The following HIVEP3 variants were observed in gnomAD, a reference collection of about 807,000 sequenced individuals.
HIVEP3 encodes HIVEP zinc finger 3, also known as transcription factor HIVEP3.
In HIVEP3, 49 loss-of-function variants were observed where a neutral mutation model predicts 152.8. The observed-to-expected ratio is 0.32, with a 90% confidence interval of 0.26 to 0.41. The LOEUF is 0.41. HIVEP3 is among the 10% of genes least tolerant of loss of function. HIVEP3 has a pLI of 1.00. For synonymous variants in HIVEP3, 1,269 were observed against 1,289.0 expected (o/e 0.98, Z 0.33); for missense variants, 2,790 against 3,103.3 (o/e 0.90, Z 2.40).
At chr1:41,686,573 A>G (rs1646119097) in intron 2 of HIVEP3, among the ~76,000 whole-genome samples, 1 of 152,204 alleles carries the variant, frequency 6.6e-6, no homozygotes, top group Non-Finnish European at 1.5e-5. Context: ...AAGCCTGGAC[A>G]TAGCTGGATT....
chr1:41,899,919 C>CCAAAT (rs996676757), intron 1 of HIVEP3, among the ~76,000 whole-genome samples: 20 of 152,162 alleles, frequency 1.3e-4, no homozygotes, highest in Non-Finnish European at 2.5e-4. Flanking sequence ...TGTCCCTGAA[C>CCAAAT]CAAAACATTC....
intron 3 of HIVEP3, among the ~76,000 whole-genome samples, chr1:41,619,794 C>T (rs1228639106): frequency 6.6e-6 from 1 of 152,164 alleles, no homozygotes; most frequent in Non-Finnish European, 1.5e-5. Context: ...GACACCTGGG[C>T]CTCAGTCCCC....
intron 1 of HIVEP3, among the ~76,000 whole-genome samples, chr1:41,868,820 G>A (rs939677037): frequency 1.1e-4 from 16 of 152,124 alleles, no homozygotes; most frequent in African/African-American, 3.9e-4. Flanking sequence ...TCTGTTAATT[G>A]GGGATACTAA....
chr1:41,848,244 T>C (rs1299065357), intron 1 of HIVEP3: 1 of 152,174 alleles, frequency 6.6e-6, no homozygotes, highest in Non-Finnish European at 1.5e-5. Flanking sequence ...TAGTATCCAA[T>C]TGCAAAACTG....
intron 1 of HIVEP3, among the ~76,000 whole-genome samples, chr1:41,787,827 C>G (rs961273864): frequency 2.6e-5 from 4 of 152,084 alleles, no homozygotes; most frequent in African/African-American, 9.7e-5. Context: ...AAGCCTCTGC[C>G]CCCAGCCTAC....
chr1:41,945,940 A>G (rs1212050059), intron 1 of HIVEP3, among the ~76,000 whole-genome samples: 3 of 151,344 alleles, frequency 2.0e-5, no homozygotes, highest in East Asian at 1.9e-4. Context: ...CCTTAGGCCC[A>G]GAGCAAAACT....
intron 5 of HIVEP3, among the ~76,000 whole-genome samples, chr1:41,549,542 C>T (rs1051150625): frequency 6.6e-6 from 1 of 152,170 alleles, no homozygotes. Flanking sequence ...TCTGTTGTTT[C>T]CTCACTTTTT....
At chr1:41,855,490 C>T (rs1643738355) in intron 1 of HIVEP3, among the ~76,000 whole-genome samples, 1 of 152,002 alleles carries the variant, frequency 6.6e-6, no homozygotes, top group Admixed American at 6.6e-5. Context: ...ACAATGAACT[C>T]AAACAAATTT....
At chr1:41,764,774 G>A (rs1647906399) in intron 1 of HIVEP3, among the ~76,000 whole-genome samples, 1 of 152,116 alleles carries the variant, frequency 6.6e-6, no homozygotes, top group African/African-American at 2.4e-5. Context: ...AGTAGAGAAG[G>A]GAAACTACCA....
At chr1:41,528,286 C>A (rs539074209) in intron 5 of HIVEP3, among the ~76,000 whole-genome samples, 2 of 130,962 alleles carry the variant, frequency 1.5e-5, no homozygotes, top group Admixed American at 7.6e-5. Context: ...TCACATACAC[C>A]CCCACACTCA....
chr1:41,682,341 T>C (rs1381355108), intron 2 of HIVEP3, among the ~76,000 whole-genome samples: 1 of 152,118 alleles, frequency 6.6e-6, no homozygotes, highest in Non-Finnish European at 1.5e-5. Context: ...TTGCTGTGGA[T>C]GTGTCTGTCT....
intron 1 of HIVEP3, among the ~76,000 whole-genome samples, chr1:41,739,375 C>A (rs538918126): frequency 3.3e-5 from 5 of 152,198 alleles, no homozygotes. Context: ...GCCTAACTTG[C>A]CAGAGAGGGA....
At chr1:41,888,666 C>T (rs1313911839) in intron 1 of HIVEP3, among the ~76,000 whole-genome samples, 9 of 151,644 alleles carry the variant, frequency 5.9e-5, no homozygotes, top group Non-Finnish European at 7.4e-5. Context: ...AATCAGTTAT[C>T]ACATACCTCA....
chr1:41,945,112 C>T (rs1645067947), intron 1 of HIVEP3, among the ~76,000 whole-genome samples: 1 of 152,150 alleles, frequency 6.6e-6, no homozygotes, highest in African/African-American at 2.4e-5. Context: ...TAAGAGACAA[C>T]TCACAATTAT....
intron 2 of HIVEP3, among the ~76,000 whole-genome samples, chr1:41,638,341 A>C: frequency 2.3e-5 from 1 of 43,074 alleles, no homozygotes; most frequent in African/African-American, 7.9e-5. Context: ...AAAGGGAGAG[A>C]GAGAGAAAGA....
At chr1:41,671,306 C>T (rs1570275758) in intron 2 of HIVEP3, among the ~76,000 whole-genome samples, 3 of 152,364 alleles carry the variant, frequency 2.0e-5, no homozygotes, top group Admixed American at 2.0e-4. Context: ...CAGATCCGCT[C>T]CGAAGCCTAG....
Position 41,582,030 on chromosome 1 carries a change from T to A in HIVEP3, c.2768A>T (p.Glu923Val). 1 of 1,614,126 alleles carries A rather than the reference T, an allele frequency of 6.2e-7. No homozygotes were observed. The highest frequency in any genetic ancestry group is 8.5e-7 in the Non-Finnish European group (1 of 1,180,024). ...MAQSSGESSF[E>V]SSVPLSRSPS... ...GCTGCGAGACAGAGGCACAGAGGAC[T>A]CGAAGCTGGACTCCCCTGATGATTG... Residue 923 changes from glutamate (E) to valine (V), a missense_variant, in exon 4 of 9, where the codon GAG becomes GTG. This residue lies in a region of HIVEP3 where 1,078 missense variants were observed against 1,165.3 expected (regional missense o/e 0.93). Transcript: ENST00000372583. The surrounding 1 kb of genome is among the most constrained non-coding windows in gnomAD (Gnocchi z 4.7).
At chr1:41,765,442 T>C (rs1290035224) in intron 1 of HIVEP3, among the ~76,000 whole-genome samples, 1 of 152,182 alleles carries the variant, frequency 6.6e-6, no homozygotes, top group Non-Finnish European at 1.5e-5. Context: ...AGCTCTCAAG[T>C]CAGCCAGATG....
At chr1:41,706,715 C>A (rs1321242591) in intron 1 of HIVEP3, among the ~76,000 whole-genome samples, 1 of 152,194 alleles carries the variant, frequency 6.6e-6, no homozygotes, top group Non-Finnish European at 1.5e-5. Flanking sequence ...GAAAGTCAAA[C>A]TCTCCTGGCC....
Sources: allele counts gnomAD v4.1 joint callset (sites outside exome capture counted in the v4.1 genomes callset), GRCh38; gene constraint gnomAD v4.1.1; regional missense constraint gnomAD v4.1.1; non-coding constraint Gnocchi (gnomAD v3.1); transcripts MANE v1.5; gene names NCBI Gene and HGNC (gene_info 2026-07-23, HGNC 2026-07-21).